The following ZSCAN5A variants were observed in gnomAD, a reference collection of about 807,000 sequenced individuals.
ZSCAN5A encodes the protein zinc finger and SCAN domain-containing protein 5A.
Under a neutral mutation model 23.7 loss-of-function variants are expected in ZSCAN5A, and 12 were observed. That is an observed-to-expected ratio of 0.51 (90% confidence interval 0.32 to 0.82). ZSCAN5A has a LOEUF of 0.82. ZSCAN5A is among the 40% of genes least tolerant of loss of function. The pLI, the probability that ZSCAN5A is intolerant of heterozygous loss-of-function variation, is 0.03. For missense variants in ZSCAN5A, 597 were observed against 617.9 expected, an observed-to-expected ratio of 0.97 and a Z score of 0.36; for synonymous variants, 257 against 239.9, an observed-to-expected ratio of 1.07 and a Z score of -0.66.
At chr19:56,264,519 T>C (rs139217226) in intron 2 of ZSCAN5A, among the ~76,000 whole-genome samples, 1 of 152,140 alleles carries the variant, frequency 6.6e-6, no homozygotes, top group Non-Finnish European at 1.5e-5. Flanking sequence ...AGTCAAAGTT[T>C]CATTTAGTAG....
At chr19:56,267,605 T>A (rs1037577826) in intron 2 of ZSCAN5A, among the ~76,000 whole-genome samples, 2 of 152,208 alleles carry the variant, frequency 1.3e-5, no homozygotes, top group African/African-American at 4.8e-5. Context: ...TACAGGACAT[T>A]CCTATCACTG....
At chr19:56,323,357 A>G (rs1409855082) in intron 2 of ZSCAN5A, among the ~76,000 whole-genome samples, 1 of 151,534 alleles carries the variant, frequency 6.6e-6, no homozygotes, top group Non-Finnish European at 1.5e-5. Context: ...TATTTTTTGT[A>G]GAGACAAGGT....
intron 2 of ZSCAN5A, among the ~76,000 whole-genome samples, chr19:56,271,836 T>C (rs2037871312): frequency 1.3e-5 from 2 of 152,186 alleles, no homozygotes; most frequent in Non-Finnish European, 2.9e-5. Flanking sequence ...CTGCCTTTAT[T>C]CCAGGAGTCC....
intron 2 of ZSCAN5A, among the ~76,000 whole-genome samples, chr19:56,335,145 A>G (rs1568757107): frequency 6.6e-6 from 1 of 152,216 alleles, no homozygotes; most frequent in Non-Finnish European, 1.5e-5. Context: ...GAATGTTAAA[A>G]TGCAATCACA....
chr19:56,223,565 G>C, intron 4 of ZSCAN5A, 66 bp downstream of exon 4: 2 of 1,540,208 alleles, frequency 1.3e-6, no homozygotes, highest in Non-Finnish European at 1.8e-6. Flanking sequence ...TCAGTCCAGC[G>C]GCCACACGAT....
At chr19:56,273,464 T>TG (rs2038007971) in intron 2 of ZSCAN5A, among the ~76,000 whole-genome samples, 1 of 82,598 alleles carries the variant, frequency 1.2e-5, no homozygotes, top group Non-Finnish European at 3.3e-5. Flanking sequence ...AATATAGTGA[T>TG]GAAAATAGTT....
At chr19:56,322,390 C>T (rs759149489) in intron 2 of ZSCAN5A, 28 of 690,564 alleles carry the variant, frequency 4.1e-5, no homozygotes, top group Non-Finnish European at 6.3e-5. Flanking sequence ...GGCAGGCTTC[C>T]CTAGGCCTAC....
chr19:56,274,256 C>T (rs2038077470), intron 2 of ZSCAN5A, among the ~76,000 whole-genome samples: 1 of 152,080 alleles, frequency 6.6e-6, no homozygotes, highest in Non-Finnish European at 1.5e-5. Context: ...AAGCTCAAGA[C>T]CAGCCTGGCC....
rs146623512 is a variant in ZSCAN5A, at chr19:56,262,402, G to C, written c.-127-37229C>G. On this transcript the variant is annotated intron_variant, in intron 2 of 5. Coordinates refer to ENST00000683990, the MANE Select transcript of ZSCAN5A (RefSeq NM_001322064.3). ...GTTGTATGTTACAGTATGCAGTCTC[G>C]TTTCTAATTTTTTTTTTTTTGTTTT... Among the ~76,000 whole-genome samples, 1,335 of 150,702 alleles carry C rather than the reference G, an allele frequency of 8.9e-3. 9 individuals are homozygous for C. The highest frequency in any genetic ancestry group is 0.017 in the Middle Eastern group (5 of 288).
chr19:56,315,894 TTGA>T (rs1233041879), upstream of ZSCAN5A: 1 of 152,204 alleles, frequency 6.6e-6, no homozygotes, highest in Non-Finnish European at 1.5e-5. Flanking sequence ...GTCAGCGGCT[TTGA>T]TGATCACCAT....
chr19:56,222,309 T>C lies in ZSCAN5A; in HGVS notation c.757A>G (p.Lys253Glu). ...ATTTTTGGGGGGTCCTTCCCCTCCT[T>C]TGCTCTCACCAGATCTGCTGGAAGA... ...PKSPTDLVRA[K>E]EGKDPPKIAS... The change falls in exon 6 of 6, where the codon AAG (lysine) becomes GAG (glutamate). Residue 253 changes from lysine (K) to glutamate (E), a missense_variant. Coordinates refer to ENST00000683990, the MANE Select transcript of ZSCAN5A (RefSeq NM_001322064.3). The C allele has an allele frequency of 6.2e-7, 1 of 1,611,996 alleles. No homozygotes were observed. The highest frequency in any genetic ancestry group is 8.5e-7 in the Non-Finnish European group (1 of 1,179,842).
At chr19:56,286,097 T>C (rs975618004) in intron 2 of ZSCAN5A, among the ~76,000 whole-genome samples, 16 of 152,082 alleles carry the variant, frequency 1.1e-4, no homozygotes, top group African/African-American at 1.9e-4. Flanking sequence ...TCTCAGCTCA[T>C]TGCAACCTCC....
intron 2 of ZSCAN5A, among the ~76,000 whole-genome samples, chr19:56,284,485 AGATT>A (rs2038953617): frequency 7.9e-5 from 1 of 12,674 alleles, no homozygotes; most frequent in Non-Finnish European, 1.0e-3. Flanking sequence ...AACAGAAATT[AGATT>A]AGAGACAAGT....
intron 2 of ZSCAN5A, among the ~76,000 whole-genome samples, chr19:56,362,273 A>C (rs1281174439): frequency 6.6e-6 from 1 of 152,132 alleles, no homozygotes; most frequent in Admixed American, 6.5e-5. Flanking sequence ...CTTAAGTATG[A>C]AAGTAACATT....
chr19:56,223,979 C>G, intron 3 of ZSCAN5A, 145 bp from the exon 4 acceptor site: 1 of 767,332 alleles, frequency 1.3e-6, no homozygotes. Context: ...TCTGTGGACA[C>G]AGCAATCCTG....
At chr19:56,282,043 C>A (rs925292566) in intron 2 of ZSCAN5A, among the ~76,000 whole-genome samples, 1 of 152,090 alleles carries the variant, frequency 6.6e-6, no homozygotes, top group African/African-American at 2.4e-5. Flanking sequence ...GGGGCCTTTG[C>A]TCTAGAATGT....
At chr19:56,302,168 G>A in intron 2 of ZSCAN5A, 1 of 1,127,454 alleles carries the variant, frequency 8.9e-7, no homozygotes, top group Non-Finnish European at 1.1e-6. Flanking sequence ...GGGGCACAGA[G>A]GAAGCGAAGG....
At chr19:56,336,117 T>G (rs1241017634) in intron 2 of ZSCAN5A, among the ~76,000 whole-genome samples, 1 of 152,174 alleles carries the variant, frequency 6.6e-6, no homozygotes, top group Admixed American at 6.5e-5. Context: ...TTTCCTGAAT[T>G]TGAATGTTGG....
At chr19:56,264,109 T>G (rs1689315423) in intron 2 of ZSCAN5A, among the ~76,000 whole-genome samples, 3 of 152,046 alleles carry the variant, frequency 2.0e-5, no homozygotes, top group African/African-American at 7.2e-5. Flanking sequence ...CTCTCCTGCC[T>G]CAGCCTCCTG....
Sources: gnomAD v4.1 joint callset for allele counts (sites outside exome capture counted in the v4.1 genomes callset) on GRCh38, gnomAD v4.1.1 for gene constraint, MANE v1.5 for transcripts, NCBI Gene and HGNC (gene_info 2026-07-23, HGNC 2026-07-21) for gene names.